Variants in PZP observed in about 807,000 individuals in gnomAD.
PZP encodes PZP alpha-2-macroglobulin like, also known as pregnancy zone protein.
PZP carries 150 observed loss-of-function variants against 179.8 expected under a neutral mutation model. The observed-to-expected ratio is 0.83, with a 90% CI of 0.73 to 0.96. The LOEUF (loss-of-function observed/expected upper bound fraction) is 0.96, where lower values mean the gene tolerates loss of function less well. Among genes scored for constraint, PZP ranks in the 40% least tolerant of loss-of-function variants. PZP has a pLI of 0.00. For missense variants in PZP, 1,689 were observed against 1,764.0 expected (o/e 0.96, Z 0.76); for synonymous variants, 624 against 652.3 (o/e 0.96, Z 0.66).
At chr12:9,186,288 C>T (rs983575593) in intron 13 of PZP, among the ~76,000 whole-genome samples, 7 of 152,002 alleles carry the variant, frequency 4.6e-5, no homozygotes, top group Admixed American at 2.0e-4. Flanking sequence ...AAGAATATTA[C>T]GAGCCACTAC....
intron 15 of PZP, among the ~76,000 whole-genome samples, chr12:9,175,830 GA>G (rs1233884488): frequency 5.3e-5 from 8 of 150,738 alleles, no homozygotes; most frequent in South Asian, 2.1e-4. Flanking sequence ...AGGTTGCAGA[GA>G]AAAAGGAATG....
chr12:9,187,868 G>GA (rs1943219620), intron 13 of PZP, among the ~76,000 whole-genome samples: 1 of 152,174 alleles, frequency 6.6e-6, no homozygotes, highest in African/African-American at 2.4e-5. Flanking sequence ...CTTCAAGATG[G>GA]AAAAAATGGC....
chr12:9,158,709 C>A, intron 25 of PZP, 133 bp from the exon 26 acceptor site: 2 of 721,188 alleles, frequency 2.8e-6, no homozygotes, highest in Non-Finnish European at 4.0e-6. Context: ...AGTTTGGAGA[C>A]TTTTTCTTTT....
intron 32 of PZP, among the ~76,000 whole-genome samples, chr12:9,151,938 C>G (rs758280937): frequency 2.6e-5 from 4 of 152,120 alleles, no homozygotes; most frequent in African/African-American, 4.8e-5. Context: ...TAAACCATAT[C>G]CTATCTTTCT....
At chr12:9,150,803 G>T in intron 33 of PZP, 57 bp from the exon 34 acceptor site, 1 of 1,054,444 alleles carries the variant, frequency 9.5e-7, no homozygotes, top group Non-Finnish European at 1.5e-6. Context: ...TTTCTCCCAT[G>T]AGCAAAACAT....
intron 7 of PZP, among the ~76,000 whole-genome samples, chr12:9,199,186 C>T (rs1211041285): frequency 3.9e-5 from 6 of 152,102 alleles, no homozygotes; most frequent in Non-Finnish European, 8.8e-5. Context: ...AGTCTAGTAC[C>T]CTTCATAATC....
At chr12:9,162,492 G>T in intron 22 of PZP, 105 bp downstream of exon 22, 1 of 809,482 alleles carries the variant, frequency 1.2e-6, no homozygotes. Flanking sequence ...TGACTTTCAT[G>T]GAACACTCTG....
chr12:9,202,621 G>A lies in PZP; in HGVS notation c.331C>T (p.Gln111Ter). Reference sequence around the variant, plus strand: ...ACTGTGTTCCTCTTCCTGAAATCTTGCGTAGGCCCCTTTATCTGGATGCTA... The same window carrying A: ...ACTGTGTTCCTCTTCCTGAAATCTTACGTAGGCCCCTTTATCTGGATGCTA... The part of the protein sequence containing the change: ...FLSIQIKGPT[Q>*]DFRKRNTVLV... The change falls in exon 3 of 36, where the codon CAA (glutamine) becomes TAA (stop). Residue 111 changes from glutamine to a stop codon, truncating the protein, a stop_gained. Transcript: ENST00000261336. LOFTEE classifies it high-confidence loss of function. 1.2e-6 allele frequency: 2 copies of A among 1,614,056 alleles called. No individual in the cohort carries two copies. The highest frequency in any genetic ancestry group is 1.7e-6 in the Non-Finnish European group (2 of 1,179,988).
intron 33 of PZP, 37 bp from the exon 34 acceptor site, chr12:9,150,783 A>G: frequency 7.4e-7 from 1 of 1,351,102 alleles, no homozygotes; most frequent in Non-Finnish European, 1.1e-6. Context: ...GAACCTAGAA[A>G]ACCTCCTTCT....
chr12:9,145,442 C>T (rs1276127809), downstream of PZP, among the ~76,000 whole-genome samples: 1 of 152,166 alleles, frequency 6.6e-6, no homozygotes, highest in African/African-American at 2.4e-5. Context: ...CATACAAAAA[C>T]TTTGCCCTTT....
the PZP span, among the ~76,000 whole-genome samples, chr12:9,140,635 G>C: frequency 1.3e-5 from 2 of 152,218 alleles, no homozygotes; most frequent in Non-Finnish European, 2.9e-5. Context: ...GAAGGAATCT[G>C]AGATAAGGCC....
At chr12:9,194,028 T>G (rs1943603095) in intron 11 of PZP, 49 bp downstream of exon 11, 3 of 1,527,906 alleles carry the variant, frequency 2.0e-6, no homozygotes, top group Non-Finnish European at 2.7e-6. Context: ...AATATATCAC[T>G]GTTCCTAACA....
intron 1 of PZP, 35 bp downstream of exon 1, chr12:9,208,224 G>A (rs192416192): frequency 4.1e-5 from 64 of 1,543,160 alleles, no homozygotes; most frequent in Middle Eastern, 1.7e-4. Context: ...AGACTGAAAC[G>A]CACTCTGGAG....
downstream of PZP, chr12:9,148,704 C>A (rs138758194): frequency 2.0e-3 from 775 of 383,192 alleles, 2 homozygotes; most frequent in African/African-American, 0.014. Flanking sequence ...TCTTTACCTG[C>A]AACCTCCACT....
At position 9,208,279 on chromosome 12, in the gene PZP, A is replaced by G. The variant is rs776660901; in HGVS notation, c.63T>C (p.Ser21=). The G allele has an allele frequency of 1.7e-5, 27 of 1,613,494 alleles. No individual in the cohort carries two copies. The Admixed American group carries it at 3.7e-4, about 22-fold the overall frequency. Residue 21 remains serine, a synonymous_variant, in exon 1 of 36, where the codon AGT becomes AGC. Coordinates refer to ENST00000261336, the MANE Select transcript of PZP (RefSeq NM_002864.3). ...LVLLLILLSA[S]DSNSTEPQYM... ...CTTACGGTTCTGTAGAGTTTGAGTC[A>G]CTGGCAGAAAGCAGGATAAGAAGTA...
intron 29 of PZP, 24 bp from the exon 30 acceptor site, chr12:9,153,367 G>A (rs759165975): frequency 1.6e-5 from 26 of 1,579,848 alleles, no homozygotes; most frequent in Admixed American, 1.4e-4. Context: ...GTGGACAACC[G>A]CCCCAAAGAG....
At chr12:9,161,407 G>A (rs1941194503) in intron 22 of PZP, among the ~76,000 whole-genome samples, 1 of 152,184 alleles carries the variant, frequency 6.6e-6, no homozygotes, top group Non-Finnish European at 1.5e-5. Context: ...AACTCTGGGT[G>A]CAAGGAATAA....
chr12:9,203,683 G>A (rs768734709), intron 2 of PZP, 85 bp downstream of exon 2: 6 of 1,474,668 alleles, frequency 4.1e-6, no homozygotes, highest in South Asian at 2.5e-5. Flanking sequence ...CCTTGGGATC[G>A]CACACCAGAG....
intron 15 of PZP, among the ~76,000 whole-genome samples, chr12:9,176,742 T>C (rs1942391005): frequency 6.6e-6 from 1 of 152,252 alleles, no homozygotes; most frequent in Non-Finnish European, 1.5e-5. Flanking sequence ...GAGTAACTCC[T>C]GAGTGCCTCT....
Sources: allele counts gnomAD v4.1 joint callset (sites outside exome capture counted in the v4.1 genomes callset), GRCh38; gene constraint gnomAD v4.1.1; transcripts MANE v1.5; gene names NCBI Gene and HGNC (gene_info 2026-07-23, HGNC 2026-07-21).